MAGI2: variants seen among roughly 807,000 people sequenced by gnomAD.
The protein encoded by MAGI2 is membrane-associated guanylate kinase, WW and PDZ domain-containing protein 2.
A neutral mutation model predicts 133.3 loss-of-function variants in MAGI2; 35 were observed. That is an observed-to-expected ratio of 0.26 (90% CI 0.20 to 0.35). The LOEUF is 0.35. Ranked by LOEUF, MAGI2 falls within the 10% of genes least tolerant of loss-of-function variation. MAGI2 has a pLI of 1.00. For synonymous variants in MAGI2, 729 were observed against 710.6 expected (o/e 1.03, Z -0.41); for missense variants, 1,636 against 1,863.4 (o/e 0.88, Z 2.25).
At chr7:79,010,764 T>C (rs931049332) in intron 1 of MAGI2, among the ~76,000 whole-genome samples, 1 of 149,436 alleles carries the variant, frequency 6.7e-6, no homozygotes, top group African/African-American at 2.6e-5. Context: ...TATTGACTTA[T>C]TTAGTTATGT....
At chr7:78,071,106 A>G (rs1469148890) in intron 21 of MAGI2, among the ~76,000 whole-genome samples, 2 of 152,254 alleles carry the variant, frequency 1.3e-5, no homozygotes, top group African/African-American at 4.8e-5. Context: ...AAAAAGAAGA[A>G]ATATCATTAT....
chr7:79,179,519 CA>C (rs1271581880), intron 1 of MAGI2, among the ~76,000 whole-genome samples: 1 of 151,814 alleles, frequency 6.6e-6, no homozygotes, highest in East Asian at 1.9e-4. Context: ...AACTTGAATT[CA>C]AAATATATTA....
chr7:78,990,008 A>C (rs1024801222), intron 2 of MAGI2, among the ~76,000 whole-genome samples: 2 of 152,116 alleles, frequency 1.3e-5, no homozygotes, highest in Non-Finnish European at 2.9e-5. Flanking sequence ...AAGTGAACTT[A>C]GATTAATCTT....
At chr7:78,642,537 T>A (rs1459503600) in intron 2 of MAGI2, among the ~76,000 whole-genome samples, 1 of 152,186 alleles carries the variant, frequency 6.6e-6, no homozygotes, top group East Asian at 1.9e-4. Flanking sequence ...CTTTTACAAA[T>A]TTATCATTTG....
intron 2 of MAGI2, among the ~76,000 whole-genome samples, chr7:78,768,494 T>C (rs892259629): frequency 6.6e-6 from 1 of 152,200 alleles, no homozygotes; most frequent in African/African-American, 2.4e-5. Flanking sequence ...TCAAAATTAT[T>C]CTAAACAGAC....
At chr7:78,256,779 GA>G (rs1374899753) in intron 9 of MAGI2, among the ~76,000 whole-genome samples, 198 bp from the exon 10 acceptor site, 1 of 152,010 alleles carries the variant, frequency 6.6e-6, no homozygotes, top group African/African-American at 2.4e-5. Flanking sequence ...ATGAAGTGCT[GA>G]AAAAAAGCTA....
chr7:79,085,653 G>A (rs945586889), intron 1 of MAGI2, among the ~76,000 whole-genome samples: 1 of 151,914 alleles, frequency 6.6e-6, no homozygotes, highest in African/African-American at 2.4e-5. Context: ...CTTGTTTGGT[G>A]TTGTTGTTAG....
At chr7:79,285,179 C>T (rs916826472) in intron 1 of MAGI2, among the ~76,000 whole-genome samples, 1 of 152,054 alleles carries the variant, frequency 6.6e-6, no homozygotes, top group Non-Finnish European at 1.5e-5. Context: ...AGGTGACCTA[C>T]TGTTAATTGC....
intron 2 of MAGI2, among the ~76,000 whole-genome samples, chr7:78,650,289 A>C (rs773484891): frequency 6.6e-6 from 1 of 152,180 alleles, no homozygotes; most frequent in Non-Finnish European, 1.5e-5. Context: ...GTTTTCACTC[A>C]ATCATAAAAA....
chr7:78,089,509 C>A (rs1379014114), intron 20 of MAGI2, among the ~76,000 whole-genome samples: 3 of 152,202 alleles, frequency 2.0e-5, no homozygotes, highest in African/African-American at 7.2e-5. Flanking sequence ...AGACAAAAAT[C>A]AAATGGCAGT....
At chr7:78,954,443 T>C (rs1425533037) in intron 2 of MAGI2, among the ~76,000 whole-genome samples, 1 of 152,068 alleles carries the variant, frequency 6.6e-6, no homozygotes, top group Non-Finnish European at 1.5e-5. Flanking sequence ...GAGGTCAGGG[T>C]ATAGTGAAAT....
rs116444614 is a variant in MAGI2 at position 78,495,970 on chromosome 7, C to T, written c.965+5607G>A. 3.7e-3 allele frequency among the ~76,000 whole-genome samples: 557 copies of T among 152,146 alleles called. 4 individuals carry two copies. Among genetic ancestry groups the T allele is most frequent in the African/African-American group, 0.013 (525 of 41,528 alleles). On this transcript the variant is annotated intron_variant, in intron 5 of 21. Coordinates refer to ENST00000354212, the MANE Select transcript of MAGI2 (RefSeq NM_012301.4). The stretch of plus-strand genomic sequence containing the variant: ...CCTAGACCAGATTTTGTGACTAGTA[C>T]GATATGTCAAGTATAGAATGAGAAA...
chr7:78,867,111 C>G (rs1207808), intron 2 of MAGI2, among the ~76,000 whole-genome samples: 80,891 of 137,678 alleles, frequency 0.59, 23,845 homozygotes, highest in East Asian at 0.69. Flanking sequence ...ACTAGTTCAA[C>G]CATTGTGGAA....
At chr7:78,324,337 G>C (rs1276101874) in intron 9 of MAGI2, among the ~76,000 whole-genome samples, 4 of 152,080 alleles carry the variant, frequency 2.6e-5, no homozygotes, top group Non-Finnish European at 5.9e-5. Flanking sequence ...GAGCCTGAGA[G>C]GCAATTACTG....
Position 78,507,285 on chromosome 7 carries a change from T to C in MAGI2, c.755-5498A>G, listed in dbSNP as rs181651140. On this transcript the variant is annotated intron_variant, in intron 4 of 21. Transcript: ENST00000354212. ...ACAAAGGCTCACCTAGGGATACGGT[T>C]TAATGTGAGAATCAAGGGCTTCTGG... Among the ~76,000 whole-genome samples, 587 of 152,276 alleles carry C rather than the reference T, an allele frequency of 3.9e-3. 4 individuals carry two copies. The highest frequency in any genetic ancestry group is 3.5e-3 in the Non-Finnish European group (239 of 68,028).
At chr7:78,790,506 T>C (rs1827164130) in intron 2 of MAGI2, among the ~76,000 whole-genome samples, 1 of 152,122 alleles carries the variant, frequency 6.6e-6, no homozygotes, top group African/African-American at 2.4e-5. Flanking sequence ...GGATCTTGGC[T>C]CACTGCAAAC....
chr7:79,451,552 T>G (rs1358100374), intron 1 of MAGI2, among the ~76,000 whole-genome samples: 1 of 152,182 alleles, frequency 6.6e-6, no homozygotes, highest in Non-Finnish European at 1.5e-5. Flanking sequence ...ATTTATTACC[T>G]CTTAATACTC....
chr7:78,042,209 T>C (rs117998862), intron 21 of MAGI2, among the ~76,000 whole-genome samples: 10,271 of 152,266 alleles, frequency 0.067, 473 homozygotes, highest in Non-Finnish European at 0.093. Flanking sequence ...GTCAGGGTCA[T>C]GGGGTCTTTG....
At chr7:78,927,461 T>C (rs1799797218) in intron 2 of MAGI2, among the ~76,000 whole-genome samples, 1 of 151,874 alleles carries the variant, frequency 6.6e-6, no homozygotes, top group African/African-American at 2.4e-5. Context: ...AAATCCAAAT[T>C]CAGTGAACGT....
Sources: gnomAD v4.1 joint callset for allele counts (sites outside exome capture counted in the v4.1 genomes callset) on GRCh38, gnomAD v4.1.1 for gene constraint, MANE v1.5 for transcripts, NCBI Gene and HGNC (gene_info 2026-07-23, HGNC 2026-07-21) for gene names.